Variants in MARCHF8 observed in about 807,000 individuals in gnomAD.
The protein encoded by MARCHF8 is E3 ubiquitin-protein ligase MARCHF8.
A neutral mutation model predicts 51.6 loss-of-function variants in MARCHF8; 40 were observed. The ratio of observed to expected loss-of-function variants is 0.77; its 90% CI spans 0.60 to 1.01. The LOEUF is 1.01. Ranked by LOEUF, MARCHF8 falls within the 50% of genes least tolerant of loss-of-function variation. The pLI is 0.00. For missense variants in MARCHF8, 685 were observed against 708.6 expected, an observed-to-expected ratio of 0.97 and a Z score of 0.38; for synonymous variants, 263 against 280.3, an observed-to-expected ratio of 0.94 and a Z score of 0.62.
At chr10:45,474,827 G>A (rs542489280) in intron 3 of MARCHF8, among the ~76,000 whole-genome samples, 31 of 152,148 alleles carry the variant, frequency 2.0e-4, no homozygotes, top group African/African-American at 4.6e-4. Context: ...GGAAGCGAGC[G>A]ATCCCCAGCG....
At chr10:45,510,642 T>C (rs768401922) in intron 2 of MARCHF8, among the ~76,000 whole-genome samples, 12 of 152,214 alleles carry the variant, frequency 7.9e-5, no homozygotes, top group African/African-American at 2.9e-4. Flanking sequence ...TATAATAATA[T>C]AGTCCAAATT....
At position 45,579,272 on chromosome 10, in the gene MARCHF8, T is replaced by C. The variant is rs2044525591; in HGVS notation, c.-79+14963A>G. On this transcript the variant is annotated intron_variant, in intron 1 of 6. Transcript: ENST00000319836. ...TAAAATACAAACAACTGGTGAATCT[T>C]AGTAAATTATATGTAGTAATTCTCT... is the stretch of plus-strand genomic sequence containing the variant. Among the ~76,000 whole-genome samples the C allele has an allele frequency of 2.0e-5, 3 of 152,114 alleles. 1 individual carries two copies. Among genetic ancestry groups the C allele is most frequent in the Admixed American group, 6.5e-5 (1 of 15,292 alleles).
intron 2 of MARCHF8, among the ~76,000 whole-genome samples, chr10:45,503,665 G>T (rs946821899): frequency 2.4e-4 from 36 of 151,910 alleles, no homozygotes; most frequent in African/African-American, 7.0e-4. Context: ...AAAGGAATGG[G>T]AAAATATATA....
At chr10:45,563,632 G>T (rs2044334340) in intron 1 of MARCHF8, among the ~76,000 whole-genome samples, 1 of 152,082 alleles carries the variant, frequency 6.6e-6, no homozygotes, top group Non-Finnish European at 1.5e-5. Flanking sequence ...AAAGAAAAGA[G>T]CACGGAAAGT....
intron 2 of MARCHF8, among the ~76,000 whole-genome samples, chr10:45,496,456 A>C (rs947318489): frequency 6.6e-6 from 1 of 152,176 alleles, no homozygotes; most frequent in African/African-American, 2.4e-5. Flanking sequence ...CCAGAGATAA[A>C]GAGGGACTTC....
chr10:45,497,225 C>T (rs1475665065), intron 2 of MARCHF8, among the ~76,000 whole-genome samples: 1 of 152,078 alleles, frequency 6.6e-6, no homozygotes, highest in Middle Eastern at 3.4e-3. Flanking sequence ...TAAAGAGGGA[C>T]TTTTACTATG....
Position 45,467,184 on chromosome 10 carries a change from A to ACAGGATACTCTCAG in MARCHF8, c.154-2871_154-2858dup, listed in dbSNP as rs1044072286. ...CCATTTCCAATCTTATGAAAACATT[A>ACAGGATACTCTCAG]CAGGATACTCTCAGCAGGTATGTCC... is the stretch of plus-strand genomic sequence containing the variant. On this transcript the variant is annotated intron_variant, in intron 3 of 7. Transcript: ENST00000453424. 5.3e-5 allele frequency among the ~76,000 whole-genome samples: 8 copies of ACAGGATACTCTCAG among 152,224 alleles called. No homozygotes were observed. In the East Asian group the frequency reaches 1.5e-3, roughly 29 times the overall value.
chr10:45,535,101 C>A (rs189325067), intron 1 of MARCHF8, 110 bp downstream of exon 1: 1 of 152,222 alleles, frequency 6.6e-6, no homozygotes, highest in African/African-American at 2.4e-5. Context: ...ACACCACCTA[C>A]TCTATTTCAA....
exon 1 of MARCHF8, chr10:45,594,862 C>T (rs1449032050): frequency 6.6e-5 from 10 of 152,396 alleles, no homozygotes; most frequent in Admixed American, 6.5e-4. Context: ...TCCCCCAGCG[C>T]GTCGCCTGTT....
rs1046949254 is a variant in MARCHF8 at position 45,457,421 on chromosome 10, T to C, written c.*818A>G. ...TTAGCATCCACTAATTCCCATGAGA[T>C]CTGTGATTAAAAAAAAAGCCTCTGG... On this transcript the variant is annotated 3_prime_UTR_variant, in exon 8 of 8. Transcript: ENST00000453424. The C allele has an allele frequency of 6.6e-6, 1 of 152,284 alleles. No homozygotes were observed. The highest frequency in any genetic ancestry group is 2.4e-5 in the African/African-American group (1 of 41,384). 9.4% of individuals were successfully genotyped at this position (152,284 alleles called of 1,614,324 possible).
chr10:45,469,919 CAAAGTCACTTG>C (rs941018335), intron 3 of MARCHF8, among the ~76,000 whole-genome samples: 9 of 137,204 alleles, frequency 6.6e-5, no homozygotes, highest in African/African-American at 1.4e-4. Context: ...GGATCATGGT[CAAAGTCACTTG>C]AAAGTCACTG....
chr10:45,458,479 A>G lies in MARCHF8; in HGVS notation c.1482T>C (p.Leu494=). ...VVVAIGFTGG[L]LFMYVQCKVY... The stretch of plus-strand genomic sequence containing the variant: ...CTTTACACTGAACATACATAAAAAG[A>G]AGTCCTCCGGTGAAGCCGATGGCCA... Residue 494 remains leucine (L), a synonymous_variant, in exon 8 of 8, where the codon CTT becomes CTC. Transcript: ENST00000453424. 1.2e-6 allele frequency: 2 copies of G among 1,613,380 alleles called. No individual in the cohort carries two copies. Among genetic ancestry groups the G allele is most frequent in the Non-Finnish European group, 8.5e-7 (1 of 1,179,788 alleles).
intron 2 of MARCHF8, among the ~76,000 whole-genome samples, chr10:45,524,569 GTTTAT>G (rs1052532070): frequency 4.0e-4 from 61 of 152,204 alleles, no homozygotes; most frequent in African/African-American, 1.5e-3. Flanking sequence ...TCTGCAACAG[GTTTAT>G]TTTAAAGATG....
chr10:45,504,185 C>T lies in MARCHF8; in HGVS notation c.103-14768G>A, dbSNP rs139634930. Among the ~76,000 whole-genome samples, 234 of 152,334 alleles carry T rather than the reference C, an allele frequency of 1.5e-3. 1 individual carries two copies. The highest frequency in any genetic ancestry group is 5.5e-3 in the African/African-American group (229 of 41,570). Reference sequence around the variant, plus strand: ...GTCTGGCCTGGCACAGTGGCTCACGCCTATAATGCCAGCACTTTGGGAGGC... The same window carrying T: ...GTCTGGCCTGGCACAGTGGCTCACGTCTATAATGCCAGCACTTTGGGAGGC... On this transcript the variant is annotated intron_variant, in intron 2 of 7. Transcript: ENST00000453424.
intron 1 of MARCHF8, among the ~76,000 whole-genome samples, chr10:45,587,447 G>A (rs943210224): frequency 2.0e-5 from 3 of 152,024 alleles, no homozygotes; most frequent in Admixed American, 1.3e-4. Context: ...AATAAATGGA[G>A]AGCTATACCA....
intron 2 of MARCHF8, among the ~76,000 whole-genome samples, chr10:45,491,979 G>A (rs1358688586): frequency 1.3e-5 from 2 of 152,220 alleles, no homozygotes; most frequent in Non-Finnish European, 2.9e-5. Context: ...ATATTGGGGT[G>A]AGGGAGAACT....
chr10:45,584,392 C>A (rs975164134), intron 1 of MARCHF8, among the ~76,000 whole-genome samples: 3 of 151,762 alleles, frequency 2.0e-5, no homozygotes, highest in African/African-American at 4.8e-5. Flanking sequence ...CAAAATAAAA[C>A]TATCTTTACT....
chr10:45,536,426 T>C (rs2043970865), upstream of MARCHF8, among the ~76,000 whole-genome samples: 1 of 151,864 alleles, frequency 6.6e-6, no homozygotes, highest in Non-Finnish European at 1.5e-5. Context: ...TAAAAACTTT[T>C]GTGCTTCAAA....
At chr10:45,495,101 C>G (rs1436752427) in intron 2 of MARCHF8, among the ~76,000 whole-genome samples, 3 of 140,308 alleles carry the variant, frequency 2.1e-5, no homozygotes, top group Non-Finnish European at 3.1e-5. Context: ...GCCTGGGCAA[C>G]AAAAGCAAAA....
Sources: allele counts gnomAD v4.1 joint callset (sites outside exome capture counted in the v4.1 genomes callset), GRCh38; gene constraint gnomAD v4.1.1; transcripts MANE v1.5; gene names NCBI Gene and HGNC (gene_info 2026-07-23, HGNC 2026-07-21).